The following KIZ variants were observed in gnomAD, a reference collection of about 807,000 sequenced individuals.
KIZ encodes centrosomal protein kizuna.
Under a neutral mutation model 79.6 loss-of-function variants are expected in KIZ, and 68 were observed. The observed-to-expected ratio is 0.85, with a 90% CI of 0.70 to 1.05. KIZ has a LOEUF of 1.05. Among genes scored for constraint, KIZ ranks in the 50% least tolerant of loss-of-function variants. The pLI is 0.00. For missense variants in KIZ, 797 were observed against 800.4 expected (o/e 1.00, Z 0.05); for synonymous variants, 280 against 281.8 (o/e 0.99, Z 0.06).
intron 6 of KIZ, among the ~76,000 whole-genome samples, chr20:21,189,306 A>G (rs1321235479): frequency 1.3e-5 from 2 of 152,164 alleles, no homozygotes; most frequent in African/African-American, 2.4e-5. Flanking sequence ...CAGAACCCCT[A>G]TTCGGTTAAA....
chr20:21,229,813 C>A (rs1340663178), intron 10 of KIZ, among the ~76,000 whole-genome samples: 1 of 152,056 alleles, frequency 6.6e-6, no homozygotes, highest in Admixed American at 6.6e-5. Context: ...TGGACTCAAG[C>A]GATCCACCTG....
At chr20:21,175,413 G>T (rs978843864) in intron 6 of KIZ, among the ~76,000 whole-genome samples, 1 of 152,166 alleles carries the variant, frequency 6.6e-6, no homozygotes, top group African/African-American at 2.4e-5. Flanking sequence ...GATATTAAAA[G>T]AAGTCTCCAT....
chr20:21,181,456 A>G (rs1179413423), intron 6 of KIZ, among the ~76,000 whole-genome samples: 1 of 151,290 alleles, frequency 6.6e-6, no homozygotes, highest in Non-Finnish European at 1.5e-5. Flanking sequence ...AAAGCCATCT[A>G]TCCAAGTTTT....
At chr20:21,238,223 T>G (rs1000400152) in intron 11 of KIZ, among the ~76,000 whole-genome samples, 16 of 152,080 alleles carry the variant, frequency 1.1e-4, no homozygotes, top group Admixed American at 2.6e-4. Flanking sequence ...AGTTTGTTTT[T>G]TTTTTTTTTA....
intron 6 of KIZ, among the ~76,000 whole-genome samples, chr20:21,202,127 G>A (rs1600525084): frequency 6.6e-6 from 1 of 152,270 alleles, no homozygotes; most frequent in East Asian, 1.9e-4. Flanking sequence ...GATGCAATTG[G>A]GTGGTGTATT....
At chr20:21,240,361 G>T (rs1047689085) in intron 11 of KIZ, among the ~76,000 whole-genome samples, 6 of 152,096 alleles carry the variant, frequency 3.9e-5, no homozygotes, top group Non-Finnish European at 5.9e-5. Flanking sequence ...CTGACCTCAG[G>T]TGATCACCCG....
intron 7 of KIZ, among the ~76,000 whole-genome samples, chr20:21,209,064 A>C (rs911393253): frequency 2.0e-5 from 3 of 152,200 alleles, no homozygotes; most frequent in Admixed American, 2.0e-4. Context: ...AGAAATATTT[A>C]CTTTGATCTC....
At chr20:21,166,131 T>A (rs375255510) in intron 6 of KIZ, 19 of 882,320 alleles carry the variant, frequency 2.2e-5, no homozygotes, top group East Asian at 1.8e-4. Flanking sequence ...CATGCTTGGC[T>A]AATTTTTGTA....
intron 6 of KIZ, among the ~76,000 whole-genome samples, chr20:21,169,197 T>G (rs1202698430): frequency 2.6e-5 from 4 of 152,038 alleles, no homozygotes; most frequent in Admixed American, 2.6e-4. Context: ...GACAAAGGGC[T>G]AATATCCAGA....
At chr20:21,170,683 C>T (rs1349547068) in intron 6 of KIZ, among the ~76,000 whole-genome samples, 2 of 152,126 alleles carry the variant, frequency 1.3e-5, no homozygotes, top group African/African-American at 4.8e-5. Flanking sequence ...CCACCACGCC[C>T]GGCCATCAAA....
chr20:21,215,173 G>A (rs2036234732), intron 8 of KIZ, among the ~76,000 whole-genome samples: 1 of 152,190 alleles, frequency 6.6e-6, no homozygotes, highest in Non-Finnish European at 1.5e-5. Context: ...CCCATTTTGA[G>A]CACCCAGAAA....
At chr20:21,144,262 A>G (rs2032729119) in intron 3 of KIZ, 1 of 152,218 alleles carries the variant, frequency 6.6e-6, no homozygotes. Context: ...AGAGCGTAAG[A>G]AAACATTTGT....
intron 6 of KIZ, 77 bp from the exon 7 acceptor site, chr20:21,205,414 G>C (rs140330456): frequency 1.7e-6 from 1 of 601,308 alleles, no homozygotes; most frequent in African/African-American, 1.9e-5. Flanking sequence ...TTCTACTAAC[G>C]TAATTGAGGC....
chr20:21,176,477 G>A (rs1230426820), intron 6 of KIZ, among the ~76,000 whole-genome samples: 2 of 151,668 alleles, frequency 1.3e-5, no homozygotes, highest in Non-Finnish European at 2.9e-5. Flanking sequence ...ACCTCAGCTT[G>A]AAGGCCTGTG....
At chr20:21,130,347 T>C (rs2031764049) in intron 1 of KIZ, among the ~76,000 whole-genome samples, 1 of 152,212 alleles carries the variant, frequency 6.6e-6, no homozygotes, top group African/African-American at 2.4e-5. Flanking sequence ...AATGAAGCAC[T>C]ACCTCAGGGC....
intron 11 of KIZ, among the ~76,000 whole-genome samples, chr20:21,243,476 G>A (rs1017959026): frequency 2.0e-5 from 3 of 152,122 alleles, no homozygotes; most frequent in African/African-American, 7.2e-5. Flanking sequence ...GCAAAGTGTC[G>A]AGCCATGCAC....
chr20:21,170,351 A>G lies in KIZ; in HGVS notation c.1352+7192A>G, dbSNP rs1344646927. ...ATGTACAATTAAATTATTATTTACT[A>G]TAGTCATCCTTTTGTGCTATCAAAT... On this transcript the variant is annotated intron_variant, in intron 6 of 12. Transcript: ENST00000619189. 2.6e-5 allele frequency among the ~76,000 whole-genome samples: 4 copies of G among 151,348 alleles called. No individual in the cohort carries two copies. The East Asian group carries it at 7.7e-4, about 29-fold the overall frequency.
At chr20:21,141,243 T>G (rs1032012029) in intron 3 of KIZ, among the ~76,000 whole-genome samples, 1 of 152,078 alleles carries the variant, frequency 6.6e-6, no homozygotes, top group Non-Finnish European at 1.5e-5. Context: ...AACAGGGATT[T>G]GACGGTAAGT....
chr20:21,243,363 C>T (rs1271116227), intron 11 of KIZ, among the ~76,000 whole-genome samples: 1 of 151,880 alleles, frequency 6.6e-6, no homozygotes, highest in Non-Finnish European at 1.5e-5. Flanking sequence ...AAGTCAACCA[C>T]ACTTGGCCCA....
Sources: allele counts gnomAD v4.1 joint callset (sites outside exome capture counted in the v4.1 genomes callset), GRCh38; gene constraint gnomAD v4.1.1; transcripts MANE v1.5; gene names NCBI Gene and HGNC (gene_info 2026-07-23, HGNC 2026-07-21).